GALNT14: variants seen among roughly 807,000 people sequenced by gnomAD.
GALNT14 encodes UDP-GalNAc:polypeptide N-acetylgalactosaminyltransferase 14.
A neutral mutation model predicts 77.5 loss-of-function variants in GALNT14; 60 were observed. That is an observed-to-expected ratio of 0.77 (90% CI 0.63 to 0.96). The LOEUF is 0.96. Ranked by LOEUF, GALNT14 falls within the 40% of genes least tolerant of loss-of-function variation. GALNT14 has a pLI of 0.00. For synonymous variants in GALNT14, 280 were observed against 281.7 expected (o/e 0.99, Z 0.06); for missense variants, 710 against 731.0 (o/e 0.97, Z 0.33).
chr2:30,921,904 G>GA (rs1358273784), intron 13 of GALNT14, among the ~76,000 whole-genome samples: 1 of 152,210 alleles, frequency 6.6e-6, no homozygotes, highest in African/African-American at 2.4e-5. Flanking sequence ...ATACACAGGG[G>GA]AGCCCCTACA....
At chr2:31,101,650 A>C (rs537760271) in intron 1 of GALNT14, among the ~76,000 whole-genome samples, 1 of 152,074 alleles carries the variant, frequency 6.6e-6, no homozygotes, top group Non-Finnish European at 1.5e-5. Context: ...TGTTCTCCAC[A>C]TATCATTCCT....
At chr2:30,939,298 G>C (rs112873855) in intron 9 of GALNT14, among the ~76,000 whole-genome samples, 1 of 152,178 alleles carries the variant, frequency 6.6e-6, no homozygotes, top group East Asian at 1.9e-4. Flanking sequence ...AAGCTTTCTG[G>C]TTCTAGAGGA....
chr2:30,898,420 T>C, the GALNT14 span, among the ~76,000 whole-genome samples: 2 of 152,168 alleles, frequency 1.3e-5, no homozygotes, highest in Non-Finnish European at 2.9e-5. Context: ...TGACAAACAT[T>C]TCTGAGGACA....
At chr2:30,939,402 C>T (rs1306924029) in intron 9 of GALNT14, among the ~76,000 whole-genome samples, 1 of 152,120 alleles carries the variant, frequency 6.6e-6, no homozygotes, top group Non-Finnish European at 1.5e-5. Context: ...GTGGGTTGGA[C>T]TCACTCTGGG....
At chr2:30,955,543 G>A (rs1667308630) in intron 6 of GALNT14, 75 bp downstream of exon 6, 3 of 1,554,168 alleles carry the variant, frequency 1.9e-6, no homozygotes, top group Admixed American at 3.8e-5. Context: ...TTGCACATGT[G>A]AAGTAATGAG....
intron 3 of GALNT14, 97 bp downstream of exon 3, chr2:30,966,107 T>C (rs1667988407): frequency 1.2e-6 from 1 of 830,066 alleles, no homozygotes; most frequent in Admixed American, 2.0e-5. Flanking sequence ...TAGATGTGTC[T>C]GGTGCTCCTA....
chr2:30,921,794 G>T (rs1665047000), intron 13 of GALNT14, among the ~76,000 whole-genome samples: 1 of 152,166 alleles, frequency 6.6e-6, no homozygotes, highest in South Asian at 2.1e-4. Context: ...GGTCATGTGT[G>T]AGACACTTTT....
At chr2:31,057,426 T>TAC (rs1351929275) in intron 1 of GALNT14, among the ~76,000 whole-genome samples, 43 of 144,774 alleles carry the variant, frequency 3.0e-4, no homozygotes, top group African/African-American at 7.9e-4. Context: ...TATATATATA[T>TAC]ACACACACAC....
intron 1 of GALNT14, among the ~76,000 whole-genome samples, chr2:31,116,084 G>A (rs1368639419): frequency 2.0e-5 from 3 of 152,098 alleles, no homozygotes; most frequent in Non-Finnish European, 4.4e-5. Context: ...AGAAGGAGGG[G>A]CATGTAAAAT....
chr2:31,087,773 T>C (rs1266960196), intron 1 of GALNT14, among the ~76,000 whole-genome samples: 1 of 152,214 alleles, frequency 6.6e-6, no homozygotes, highest in Non-Finnish European at 1.5e-5. Flanking sequence ...CAGATGATGC[T>C]ATAGACTGAA....
chr2:30,992,346 G>A (rs922165748), intron 2 of GALNT14, among the ~76,000 whole-genome samples: 2 of 152,152 alleles, frequency 1.3e-5, no homozygotes, highest in African/African-American at 4.8e-5. Flanking sequence ...AAGAACCAAT[G>A]GCAAGCTGGC....
intron 9 of GALNT14, among the ~76,000 whole-genome samples, chr2:30,941,599 T>C (rs902733866): frequency 4.6e-5 from 7 of 152,176 alleles, no homozygotes; most frequent in Non-Finnish European, 5.9e-5. Flanking sequence ...TATCCCACCA[T>C]GACCAGATCC....
chr2:30,958,591 A>G (rs751894215), intron 3 of GALNT14, 127 bp from the exon 4 acceptor site: 70 of 692,032 alleles, frequency 1.0e-4, no homozygotes, highest in Non-Finnish European at 1.6e-4. Flanking sequence ...GGGCTTGTCC[A>G]GTCATATTGC....
intron 1 of GALNT14, among the ~76,000 whole-genome samples, chr2:31,072,106 A>G (rs1023057611): frequency 2.0e-5 from 3 of 152,112 alleles, no homozygotes; most frequent in African/African-American, 7.2e-5. Flanking sequence ...ACCCAGAGCA[A>G]AAAGGAGCAT....
At chr2:31,130,748 G>A (rs1002841082) in intron 1 of GALNT14, among the ~76,000 whole-genome samples, 1 of 136,306 alleles carries the variant, frequency 7.3e-6, no homozygotes, top group African/African-American at 3.2e-5. Context: ...GTGTGTGTGT[G>A]TGTGTGTGTG....
intron 1 of GALNT14, among the ~76,000 whole-genome samples, chr2:31,030,671 T>G (rs773622279): frequency 2.6e-5 from 4 of 152,168 alleles, no homozygotes; most frequent in Non-Finnish European, 4.4e-5. Context: ...GGAGCAACAA[T>G]GACTTCTGCT....
At chr2:31,045,280 C>T (rs1291206391) in intron 1 of GALNT14, among the ~76,000 whole-genome samples, 2 of 152,130 alleles carry the variant, frequency 1.3e-5, no homozygotes, top group Non-Finnish European at 2.9e-5. Flanking sequence ...AACTGTGGTG[C>T]CAAGCTGAGC....
intron 6 of GALNT14, among the ~76,000 whole-genome samples, chr2:30,955,326 A>G (rs1573030270): frequency 1.3e-5 from 2 of 152,150 alleles, no homozygotes; most frequent in South Asian, 4.1e-4. Context: ...TGGGCAGTTC[A>G]TTCCTGCCCA....
At chr2:30,944,161 G>A (rs150048690) in intron 8 of GALNT14, among the ~76,000 whole-genome samples, 1,812 of 152,276 alleles carry the variant, frequency 0.012, 27 homozygotes, top group South Asian at 0.046. Flanking sequence ...TTACTGTCCA[G>A]TAGGTAGGAC....
Sources: gnomAD v4.1 joint callset for allele counts (sites outside exome capture counted in the v4.1 genomes callset) on GRCh38, gnomAD v4.1.1 for gene constraint, MANE v1.5 for transcripts, NCBI Gene and HGNC (gene_info 2026-07-23, HGNC 2026-07-21) for gene names.